The following ADGRL3 variants were observed in gnomAD, a reference collection of about 807,000 sequenced individuals.
The protein encoded by ADGRL3 is adhesion G protein-coupled receptor L3, also known as calcium-independent alpha-latrotoxin receptor 3.
In ADGRL3, 62 loss-of-function variants were observed where a neutral mutation model predicts 153.5. The ratio of observed to expected loss-of-function variants is 0.40; its 90% CI spans 0.33 to 0.50. The LOEUF is 0.50. Ranked by LOEUF, ADGRL3 falls within the 20% of genes least tolerant of loss-of-function variation. The pLI, the probability that ADGRL3 is intolerant of heterozygous loss-of-function variation, is 0.47. For synonymous variants in ADGRL3, 710 were observed against 672.5 expected, an observed-to-expected ratio of 1.06 and a Z score of -0.86; for missense variants, 1,641 against 1,859.4, an observed-to-expected ratio of 0.88 and a Z score of 2.16.
intron 2 of ADGRL3, among the ~76,000 whole-genome samples, chr4:61,390,740 A>G (rs555215960): frequency 6.6e-6 from 1 of 152,286 alleles, no homozygotes; most frequent in East Asian, 1.9e-4. Context: ...GAAAACCTGT[A>G]GAGAATTGTG....
chr4:61,437,833 G>A (rs2097470280), intron 2 of ADGRL3, among the ~76,000 whole-genome samples: 1 of 151,914 alleles, frequency 6.6e-6, no homozygotes, highest in Non-Finnish European at 1.5e-5. Context: ...TTGGAATTCT[G>A]CTCGTCCTCC....
rs1009114405 is a variant in ADGRL3 at position 61,701,215 on chromosome 4, C to T, written c.583+24280C>T. Among the ~76,000 whole-genome samples the T allele has an allele frequency of 1.4e-4, 21 of 152,148 alleles. No homozygotes were observed. The East Asian group carries it at 4.1e-3, about 29-fold the overall frequency. ...AAGGTGTGTCAAAGTTCAGCTAATG[C>T]AGAATCTAGCAAATAAACTAACGTC... On this transcript the variant is annotated intron_variant, in intron 6 of 26. Coordinates refer to ENST00000683033, the MANE Select transcript of ADGRL3 (RefSeq NM_001387552.1).
rs573774932 is a variant in ADGRL3, at chr4:61,415,764, CT to C, written c.-174+32583del. On this transcript the variant is annotated intron_variant, in intron 2 of 26. Coordinates refer to ENST00000683033, the MANE Select transcript of ADGRL3 (RefSeq NM_001387552.1). ...ATGATCTTTATTTAAACTAAATTAT[CT>C]TTTTTTTCAATATAGCATATATTGT... 3.3e-3 allele frequency among the ~76,000 whole-genome samples: 507 copies of C among 151,784 alleles called. 3 individuals are homozygous for C. The highest frequency in any genetic ancestry group is 4.7e-3 in the Admixed American group (72 of 15,234).
At chr4:61,464,802 G>T (rs2097860528) in intron 2 of ADGRL3, among the ~76,000 whole-genome samples, 1 of 152,142 alleles carries the variant, frequency 6.6e-6, no homozygotes, top group Non-Finnish European at 1.5e-5. Context: ...AATTAGTTAA[G>T]GATGAAGCAC....
chr4:62,051,988 C>A (rs1734456157), intron 25 of ADGRL3, among the ~76,000 whole-genome samples: 1 of 151,578 alleles, frequency 6.6e-6, no homozygotes, highest in Non-Finnish European at 1.5e-5. Context: ...CAATATGCCT[C>A]CTTGTATTTG....
intron 1 of ADGRL3, among the ~76,000 whole-genome samples, chr4:61,281,188 G>GT (rs35904600): frequency 4.0e-5 from 6 of 151,422 alleles, no homozygotes; most frequent in East Asian, 1.9e-4. Context: ...AAAGGTAATA[G>GT]TTTTTTTTTA....
intron 17 of ADGRL3, 112 bp downstream of exon 17, chr4:61,948,388 T>A: frequency 2.8e-6 from 2 of 715,640 alleles, no homozygotes; most frequent in African/African-American, 1.8e-5. Context: ...ACTTTCATAG[T>A]AATTCTATTA....
intron 1 of ADGRL3, among the ~76,000 whole-genome samples, chr4:61,297,806 C>T (rs745986718): frequency 9.9e-5 from 15 of 151,968 alleles, no homozygotes; most frequent in South Asian, 2.1e-4. Flanking sequence ...CTGTTACCAC[C>T]GCCACCGTCA....
intron 18 of ADGRL3, among the ~76,000 whole-genome samples, 184 bp downstream of exon 18, chr4:61,979,956 C>T (rs1055818358): frequency 2.0e-5 from 3 of 152,174 alleles, no homozygotes; most frequent in African/African-American, 7.2e-5. Context: ...AAGCAGCAAA[C>T]TTTATGAATA....
chr4:61,256,420 G>T, intron 1 of ADGRL3, among the ~76,000 whole-genome samples: 1 of 152,092 alleles, frequency 6.6e-6, no homozygotes, highest in East Asian at 1.9e-4. Flanking sequence ...CTGCAAAGCT[G>T]GCTAGAATTG....
chr4:61,632,427 C>A (rs917402787), intron 5 of ADGRL3, among the ~76,000 whole-genome samples: 1 of 152,078 alleles, frequency 6.6e-6, no homozygotes, highest in African/African-American at 2.4e-5. Context: ...GTTTAAAAAT[C>A]AATGAAGGAA....
Position 61,377,791 on chromosome 4 carries a change from GA to G in ADGRL3, c.-239-5332del, listed in dbSNP as rs367943809. 1.3e-4 allele frequency among the ~76,000 whole-genome samples: 19 copies of G among 151,386 alleles called. 1 individual carries two copies. Among genetic ancestry groups the G allele is most frequent in the African/African-American group, 4.6e-4 (19 of 41,338 alleles). ...GTTTAAGGTAGAAGCTTTGATTATT[GA>G]TTTGAGATCTTCCTACTTTTCTAAT... is the stretch of plus-strand genomic sequence containing the variant. On this transcript the variant is annotated intron_variant, in intron 1 of 26. Transcript: ENST00000683033.
chr4:61,863,108 A>C (rs1256628139), intron 9 of ADGRL3, among the ~76,000 whole-genome samples: 1 of 152,158 alleles, frequency 6.6e-6, no homozygotes, highest in Non-Finnish European at 1.5e-5. Context: ...GAACCAGATG[A>C]ACAATGTGAT....
At chr4:61,336,821 A>G (rs1192343127) in intron 1 of ADGRL3, among the ~76,000 whole-genome samples, 1 of 151,308 alleles carries the variant, frequency 6.6e-6, no homozygotes, top group Non-Finnish European at 1.5e-5. Flanking sequence ...CTGAGCAACA[A>G]AGGCATCCTT....
intron 4 of ADGRL3, among the ~76,000 whole-genome samples, chr4:61,574,885 T>C (rs777580911): frequency 2.0e-5 from 3 of 151,764 alleles, no homozygotes; most frequent in Admixed American, 1.3e-4. Context: ...TATGAGAAAA[T>C]TTTAGTATGT....
At chr4:61,398,883 C>T (rs1168930027) in intron 2 of ADGRL3, among the ~76,000 whole-genome samples, 1 of 151,454 alleles carries the variant, frequency 6.6e-6, no homozygotes, top group African/African-American at 2.4e-5. Context: ...TTTATGTGTA[C>T]TTTTTCTCCT....
intron 3 of ADGRL3, among the ~76,000 whole-genome samples, chr4:61,516,676 A>G (rs572361199): frequency 1.3e-5 from 2 of 152,282 alleles, no homozygotes; most frequent in South Asian, 2.1e-4. Flanking sequence ...CTGTGTATAT[A>G]AATGGTAAAA....
intron 2 of ADGRL3, among the ~76,000 whole-genome samples, chr4:61,487,027 A>G (rs1288646840): frequency 4.6e-5 from 7 of 152,190 alleles, no homozygotes; most frequent in Non-Finnish European, 8.8e-5. Context: ...AGTTTGTTTT[A>G]ATATTTTAGT....
At chr4:61,758,732 C>T (rs2096870673) in intron 8 of ADGRL3, among the ~76,000 whole-genome samples, 3 of 152,212 alleles carry the variant, frequency 2.0e-5, no homozygotes, top group African/African-American at 7.2e-5. Flanking sequence ...ATGATGTTAG[C>T]TGGTGATTTT....
Sources: gnomAD v4.1 joint callset for allele counts (sites outside exome capture counted in the v4.1 genomes callset) on GRCh38, gnomAD v4.1.1 for gene constraint, MANE v1.5 for transcripts, NCBI Gene and HGNC (gene_info 2026-07-23, HGNC 2026-07-21) for gene names.